The following GRK5 variants were observed in gnomAD, a reference collection of about 807,000 sequenced individuals.
GRK5 encodes g protein-coupled receptor kinase GRK5.
In GRK5, 40 loss-of-function variants were observed where a neutral mutation model predicts 78.4. That is an observed-to-expected ratio of 0.51 (90% confidence interval 0.40 to 0.66). The LOEUF is 0.66. Ranked by LOEUF, GRK5 falls within the 30% of genes least tolerant of loss-of-function variation. The pLI is 0.00. For missense variants in GRK5, 598 were observed against 759.9 expected (o/e 0.79, Z 2.50); for synonymous variants, 289 against 296.8 (o/e 0.97, Z 0.27).
intron 1 of GRK5, among the ~76,000 whole-genome samples, chr10:119,303,800 G>C (rs1850227215): frequency 6.6e-6 from 1 of 151,942 alleles, no homozygotes; most frequent in South Asian, 2.1e-4. Flanking sequence ...TTTCACTGCA[G>C]AGCCCAGACT....
At chr10:119,278,614 C>T (rs752536636) in intron 1 of GRK5, among the ~76,000 whole-genome samples, 2 of 152,140 alleles carry the variant, frequency 1.3e-5, no homozygotes, top group Non-Finnish European at 2.9e-5. Flanking sequence ...CGTCTCTTTC[C>T]TCTCCCTCCT....
intron 13 of GRK5, among the ~76,000 whole-genome samples, chr10:119,448,482 G>A (rs531014490): frequency 6.6e-6 from 1 of 152,368 alleles, no homozygotes; most frequent in East Asian, 1.9e-4. Context: ...GCTGTCCAGA[G>A]ACTTGGGCAC....
intron 1 of GRK5, among the ~76,000 whole-genome samples, chr10:119,235,088 A>T (rs1589693395): frequency 6.7e-6 from 1 of 150,054 alleles, no homozygotes; most frequent in East Asian, 2.0e-4. Context: ...TGATCCTCCC[A>T]CCTCAGCCTT....
intron 1 of GRK5, among the ~76,000 whole-genome samples, chr10:119,209,823 C>T (rs899211214): frequency 6.6e-6 from 1 of 152,160 alleles, no homozygotes; most frequent in African/African-American, 2.4e-5. Context: ...CTGCCCCCGA[C>T]ATTTGCTGCT....
At chr10:119,401,454 C>T (rs1427346078) in intron 4 of GRK5, among the ~76,000 whole-genome samples, 1 of 152,178 alleles carries the variant, frequency 6.6e-6, no homozygotes. Context: ...GGAGAGCTCA[C>T]AGAAGGGCAG....
intron 1 of GRK5, among the ~76,000 whole-genome samples, chr10:119,249,869 C>T (rs796322409): frequency 6.6e-5 from 10 of 152,336 alleles, no homozygotes; most frequent in African/African-American, 2.4e-4. Flanking sequence ...AAGTGCATAA[C>T]TCTTTGTGCA....
In GRK5 at chr10:119,459,110, T is replaced by C. The variant is rs186666855; in HGVS notation, c.*4043T>C. On this transcript the variant is annotated 3_prime_UTR_variant, in exon 16 of 16. Coordinates refer to ENST00000392870, the MANE Select transcript of GRK5 (RefSeq NM_005308.3). The stretch of plus-strand genomic sequence containing the variant: ...TTTAGCCCCGGCTGTGGAAAGATAG[T>C]GAGTATGAAGTCTTTGTGCATTTGG... The C allele has an allele frequency of 3.2e-4, 48 of 152,308 alleles. No homozygotes were observed. The highest frequency in any genetic ancestry group is 1.1e-3 in the African/African-American group (46 of 41,550). 9.4% of individuals were successfully genotyped at this position (152,308 alleles called of 1,614,324 possible). A position where few individuals can be genotyped will look rare whatever the true frequency, so the allele number is the denominator to read the frequency against.
At position 119,298,244 on chromosome 10, in the gene GRK5, T is replaced by C. The variant is rs1850115857; in HGVS notation, c.53-28272T>C. Among the ~76,000 whole-genome samples the C allele has an allele frequency of 2.0e-5, 3 of 152,174 alleles. No homozygotes were observed. The South Asian group carries it at 6.2e-4, about 32-fold the overall frequency. ...CCAAGATTTTTGGGCTCCTACTATA[T>C]ACAAGGCACAATTCCAAGTGCCTAA... On this transcript the variant is annotated intron_variant, in intron 1 of 15. Transcript: ENST00000392870.
chr10:119,381,354 A>C (rs1218257676), intron 3 of GRK5, among the ~76,000 whole-genome samples: 1 of 152,232 alleles, frequency 6.6e-6, no homozygotes, highest in Non-Finnish European at 1.5e-5. Context: ...ATTAGAATGC[A>C]AGCTCCCTGA....
chr10:119,397,988 C>T (rs1852084770), intron 4 of GRK5, among the ~76,000 whole-genome samples: 1 of 152,246 alleles, frequency 6.6e-6, no homozygotes, highest in Non-Finnish European at 1.5e-5. Context: ...TTGCACTTTT[C>T]AGAAATGACA....
Position 119,452,790 on chromosome 10 carries a change from C to T in GRK5, c.1524C>T (p.Ser508=), listed in dbSNP as rs773323520. 7.0e-6 allele frequency: 10 copies of T among 1,427,886 alleles called. No homozygotes were observed. The East Asian group carries it at 3.5e-4, about 50-fold the overall frequency. The allele number at this position is 1,427,886 out of a possible 1,614,324, so 88.5% of individuals were successfully genotyped here. The change falls in exon 14 of 16, where the codon TCC becomes TCT. Residue 508 remains serine, a synonymous_variant. Coordinates refer to ENST00000392870, the MANE Select transcript of GRK5 (RefSeq NM_005308.3). The surrounding 1 kb of genome is among the most constrained non-coding windows in gnomAD (Gnocchi z 4.4). ...CCAAGTTCTCCACGGGCTCTGTGTC[C>T]ATCCCATGGCAAAACGAGGTGAGCA... The part of the protein sequence containing the change: ...FYSKFSTGSV[S]IPWQNEMIET...
intron 1 of GRK5, among the ~76,000 whole-genome samples, chr10:119,231,541 A>G (rs1848828542): frequency 6.6e-6 from 1 of 151,870 alleles, no homozygotes; most frequent in African/African-American, 2.4e-5. Context: ...CCTTGTCTCT[A>G]CTAAAAATAA....
At chr10:119,208,146 C>A (rs1848421698) in intron 1 of GRK5, among the ~76,000 whole-genome samples, 177 bp downstream of exon 1, 1 of 152,208 alleles carries the variant, frequency 6.6e-6, no homozygotes, top group African/African-American at 2.4e-5. Context: ...TGCCTTGGGG[C>A]TCAGAGAATC....
intron 1 of GRK5, among the ~76,000 whole-genome samples, chr10:119,222,233 C>T (rs1038491021): frequency 2.6e-5 from 4 of 152,092 alleles, no homozygotes; most frequent in African/African-American, 7.2e-5. Context: ...CTTCGTTTTT[C>T]GTGTTTGAGA....
At chr10:119,246,190 C>A (rs868059245) in intron 1 of GRK5, among the ~76,000 whole-genome samples, 1 of 151,944 alleles carries the variant, frequency 6.6e-6, no homozygotes, top group Non-Finnish European at 1.5e-5. Flanking sequence ...TGCTCAAGTC[C>A]CTGATATAAA....
chr10:119,284,881 T>C (rs1849821148), intron 1 of GRK5, among the ~76,000 whole-genome samples: 1 of 152,206 alleles, frequency 6.6e-6, no homozygotes, highest in East Asian at 1.9e-4. Context: ...GGGGAGGTCC[T>C]GGGCAGGGCT....
rs1028632653 is a variant in GRK5 at position 119,430,364 on chromosome 10, C to A, written c.534-11C>A. The A allele has an allele frequency of 2.5e-6, 4 of 1,613,214 alleles. No individual in the cohort carries two copies. Among genetic ancestry groups the A allele is most frequent in the Admixed American group, 3.3e-5 (2 of 59,952 alleles). ...ACCATGAGACCAGTGTGGGATTCTT[C>A]TTTCTTCCAGGCAACCGGTGACCAA... On this transcript the variant is annotated splice_polypyrimidine_tract_variant and intron_variant, in intron 6 of 15. Coordinates refer to ENST00000392870, the MANE Select transcript of GRK5 (RefSeq NM_005308.3). This position sits in a 1 kb window ranked among gnomAD's most constrained non-coding sequence, Gnocchi z 4.5.
chr10:119,416,496 G>A (rs938749284), intron 4 of GRK5, among the ~76,000 whole-genome samples: 2 of 152,124 alleles, frequency 1.3e-5, no homozygotes, highest in East Asian at 1.9e-4. Context: ...TCCTCCAGGC[G>A]CTGGCCCTGC....
rs1423802416 is a variant in GRK5, at chr10:119,430,639, G to A, written c.597+201G>A. ...TGTGTCTATGGTGGAAAGAGGTTGT[G>A]GAGCTGGGCAGGTGAGACAGACGTG... On this transcript the variant is annotated intron_variant, in intron 7 of 15. Transcript: ENST00000392870. The surrounding 1 kb of genome is among the most constrained non-coding windows in gnomAD (Gnocchi z 4.5). 5.3e-5 allele frequency among the ~76,000 whole-genome samples: 8 copies of A among 152,000 alleles called. No individual in the cohort carries two copies. The highest frequency in any genetic ancestry group is 1.0e-4 in the Non-Finnish European group (7 of 67,972).
Sources: gnomAD v4.1 joint callset for allele counts (sites outside exome capture counted in the v4.1 genomes callset) on GRCh38, gnomAD v4.1.1 for gene constraint, Gnocchi (gnomAD v3.1) non-coding constraint, MANE v1.5 for transcripts, NCBI Gene and HGNC (gene_info 2026-07-23, HGNC 2026-07-21) for gene names.